The following HSP90AA1 variants were observed in gnomAD, a reference collection of about 807,000 sequenced individuals.
HSP90AA1 encodes the protein heat shock protein HSP 90-alpha.
In HSP90AA1, 18 loss-of-function variants were observed where a neutral mutation model predicts 73.3. The ratio of observed to expected loss-of-function variants is 0.25; its 90% confidence interval spans 0.17 to 0.36. HSP90AA1 has a LOEUF of 0.36. HSP90AA1 is among the 10% of genes least tolerant of loss of function. The pLI is 1.00. For synonymous variants in HSP90AA1, 477 were observed against 296.9 expected (o/e 1.61, Z -6.24); for missense variants, 704 against 874.2 (o/e 0.81, Z 2.45).
At chr14:102,121,183 G>A (rs893135396) in intron 1 of HSP90AA1, among the ~76,000 whole-genome samples, 3 of 151,888 alleles carry the variant, frequency 2.0e-5, no homozygotes, top group Non-Finnish European at 4.4e-5. Flanking sequence ...ATACAGGTGT[G>A]AGCCACCACA....
At chr14:102,090,085 C>T (rs1051619904), upstream of HSP90AA1, among the ~76,000 whole-genome samples, 2 of 152,230 alleles carry the variant, frequency 1.3e-5, no homozygotes, top group African/African-American at 4.8e-5. Context: ...CAGGTCGCTG[C>T]TGCCTCCCCA....
At chr14:102,101,803 G>A in intron 2 of HSP90AA1, 5 of 1,239,352 alleles carry the variant, frequency 4.0e-6, no homozygotes, top group South Asian at 1.2e-5. Flanking sequence ...TCCAACCACC[G>A]GTTGGTTGGA....
chr14:102,105,926 C>T (rs911100414), intron 1 of HSP90AA1, among the ~76,000 whole-genome samples: 4 of 151,920 alleles, frequency 2.6e-5, no homozygotes, highest in Non-Finnish European at 5.9e-5. Flanking sequence ...AAAAATCAGC[C>T]GGGTGTGGTG....
At position 102,084,920 on chromosome 14, in the gene HSP90AA1, C is replaced by T. The variant is rs2049187841; in HGVS notation, c.742G>A (p.Glu248Lys). ...GGTTTGTCTTCCGACTCTTTCTCTTCTTTTTCTTTTTCTTCTTCTTTGTCT... is the reference window on the plus strand; with the variant it reads ...GGTTTGTCTTCCGACTCTTTCTCTTTTTTTTCTTTTTCTTCTTCTTTGTCT... ...KEDKEEEKEKEEKESEDKPEI... is the reference protein window; with the variant it reads ...KEDKEEEKEKKEKESEDKPEI... Residue 248 changes from glutamate to lysine, a missense_variant, in exon 5 of 11, where the codon GAA (glutamate) becomes AAA (lysine). Glu to Lys is a moderately conservative substitution (Grantham distance 56, BLOSUM62 1). Coordinates refer to ENST00000216281, the MANE Select transcript of HSP90AA1 (RefSeq NM_005348.4). The T allele has an allele frequency of 1.9e-6, 3 of 1,579,020 alleles. No homozygotes were observed. The highest frequency in any genetic ancestry group is 2.6e-6 in the Non-Finnish European group (3 of 1,154,696).
chr14:102,105,009 T>C (rs1379805561), intron 1 of HSP90AA1, among the ~76,000 whole-genome samples: 1 of 138,062 alleles, frequency 7.2e-6, no homozygotes, highest in Non-Finnish European at 1.5e-5. Context: ...CCATACTGCC[T>C]AACATGGTGA....
chr14:102,136,842 T>C (rs2050004861), intron 1 of HSP90AA1, among the ~76,000 whole-genome samples: 2 of 150,068 alleles, frequency 1.3e-5, no homozygotes, highest in Admixed American at 6.7e-5. Context: ...GAGTCGAGAT[T>C]GAGCCATTGC....
intron 1 of HSP90AA1, among the ~76,000 whole-genome samples, chr14:102,130,300 A>G (rs943514737): frequency 2.0e-5 from 3 of 152,114 alleles, no homozygotes; most frequent in East Asian, 1.9e-4. Context: ...TCTTGGGTAT[A>G]TACATACGAT....
At chr14:102,137,914 C>G (rs1451583167) in intron 1 of HSP90AA1, among the ~76,000 whole-genome samples, 1 of 151,524 alleles carries the variant, frequency 6.6e-6, no homozygotes, top group African/African-American at 2.4e-5. Flanking sequence ...ACTCGGGAGG[C>G]TGAAGCAGGA....
intron 1 of HSP90AA1, among the ~76,000 whole-genome samples, chr14:102,136,065 G>A (rs2049990044): frequency 1.3e-5 from 2 of 152,238 alleles, no homozygotes; most frequent in Admixed American, 1.3e-4. Context: ...CCAGCACGTT[G>A]TAACCTCTCA....
At chr14:102,106,117 A>T (rs2049564651) in intron 1 of HSP90AA1, among the ~76,000 whole-genome samples, 1 of 151,464 alleles carries the variant, frequency 6.6e-6, no homozygotes, top group Admixed American at 6.6e-5. Flanking sequence ...AAAGGAGGAG[A>T]GAGTTCCGTG....
intron 9 of HSP90AA1, 117 bp downstream of exon 9, chr14:102,082,917 C>A: frequency 1.8e-6 from 2 of 1,102,012 alleles, no homozygotes; most frequent in South Asian, 2.5e-5. Flanking sequence ...CCGCGCCCAG[C>A]CACACACAAC....
In HSP90AA1 at chr14:102,083,121, T is replaced by C. The variant is rs751494521; in HGVS notation, c.1668A>G (p.Glu556=). ...KEGLELPEDE[E]EKKKQEEKKT... is the part of the protein sequence containing the mutation. ...TTTTCTCTTCCTGCTTCTTTTTCTC[T>C]TCTTCATCCTCTGGAAGTTCCAGGC... Residue 556 remains glutamate, a synonymous_variant, in exon 9 of 11, where the codon GAA becomes GAG. Coordinates refer to ENST00000216281, the MANE Select transcript of HSP90AA1 (RefSeq NM_005348.4). 3 of 1,613,846 alleles carry C rather than the reference T, an allele frequency of 1.9e-6. No individual in the cohort carries two copies. The highest frequency in any genetic ancestry group is 2.5e-6 in the Non-Finnish European group (3 of 1,179,860).
At chr14:102,098,156 C>T (rs1236992998) in intron 2 of HSP90AA1, among the ~76,000 whole-genome samples, 1 of 151,784 alleles carries the variant, frequency 6.6e-6, no homozygotes, top group African/African-American at 2.4e-5. Context: ...GTTTGTTTTT[C>T]TTTTTCTTTT....
At chr14:102,102,564 G>A (rs1490386408) in intron 1 of HSP90AA1, among the ~76,000 whole-genome samples, 2 of 152,280 alleles carry the variant, frequency 1.3e-5, no homozygotes, top group East Asian at 3.9e-4. Flanking sequence ...AGCCCCTTAG[G>A]AAAGTAAGCT....
intron 1 of HSP90AA1, among the ~76,000 whole-genome samples, chr14:102,110,245 G>A (rs553239088): frequency 4.6e-5 from 7 of 152,106 alleles, no homozygotes; most frequent in African/African-American, 1.2e-4. Context: ...CTCATGTTAC[G>A]TTTTAGCAAA....
exon 2 of HSP90AA1, chr14:102,102,011 G>C (rs760142877): frequency 1.2e-6 from 2 of 1,614,160 alleles, no homozygotes; most frequent in South Asian, 2.2e-5. Context: ...ACAGAGTAGA[G>C]TGGTGGATCC....
At chr14:102,122,829 A>G (rs182533676) in intron 1 of HSP90AA1, among the ~76,000 whole-genome samples, 1,758 of 150,456 alleles carry the variant, frequency 0.012, 41 homozygotes, top group African/African-American at 0.041. Flanking sequence ...CACCATGCCC[A>G]GCTGATTTTT....
At position 102,084,570 on chromosome 14, in the gene HSP90AA1, A is replaced by G; in HGVS notation, c.982-6T>C. 2.5e-6 allele frequency: 4 copies of G among 1,614,216 alleles called. No individual in the cohort carries two copies. The highest frequency in any genetic ancestry group is 1.3e-5 in the African/African-American group (1 of 75,070). Reference sequence around the variant, plus strand: ...TGTCCTTCAACTGAAAAATGCTGTAATAAAACAGATACACTAAGTACCAAT... The same window carrying G: ...TGTCCTTCAACTGAAAAATGCTGTAGTAAAACAGATACACTAAGTACCAAT... On this transcript the variant is annotated splice_region_variant and splice_polypyrimidine_tract_variant and intron_variant, in intron 5 of 10. Transcript: ENST00000216281.
At chr14:102,095,995 GCAACACACACCTT>G in intron 2 of HSP90AA1, among the ~76,000 whole-genome samples, 1 of 152,270 alleles carries the variant, frequency 6.6e-6, no homozygotes, top group Admixed American at 6.5e-5. Context: ...ACCTCTGCCT[GCAACACACACCTT>G]CCTTGGGAGG....
Sources: gnomAD v4.1 joint callset for allele counts (sites outside exome capture counted in the v4.1 genomes callset) on GRCh38, gnomAD v4.1.1 for gene constraint, MANE v1.5 for transcripts, NCBI Gene and HGNC (gene_info 2026-07-23, HGNC 2026-07-21) for gene names.